Variants in RERE observed in about 807,000 individuals in gnomAD.
The protein encoded by RERE is arginine-glutamic acid dipeptide repeats protein.
A neutral mutation model predicts 146.1 loss-of-function variants in RERE; 40 were observed. The observed-to-expected ratio is 0.27, with a 90% confidence interval of 0.21 to 0.36. The LOEUF (loss-of-function observed/expected upper bound fraction) is 0.36. Ranked by LOEUF, RERE falls within the 10% of genes least tolerant of loss-of-function variation. The pLI, the probability that RERE is intolerant of heterozygous loss-of-function variation, is 1.00. For synonymous variants in RERE, 1,003 were observed against 866.0 expected (o/e 1.16, Z -2.78); for missense variants, 1,933 against 2,138.7 (o/e 0.90, Z 1.90).
At chr1:8,490,381 T>C (rs1486665408) in intron 10 of RERE, among the ~76,000 whole-genome samples, 2 of 148,124 alleles carry the variant, frequency 1.4e-5, no homozygotes, top group Non-Finnish European at 3.0e-5. Flanking sequence ...AAAAGAAACC[T>C]GTTTGACAGT....
chr1:8,518,319 G>A (rs142215156), intron 7 of RERE, among the ~76,000 whole-genome samples: 3 of 152,270 alleles, frequency 2.0e-5, no homozygotes, highest in Non-Finnish European at 4.4e-5. Flanking sequence ...CCATTCCCAA[G>A]GTGCTGGGAC....
chr1:8,792,527 A>G (rs1253076609), intron 1 of RERE: 2 of 152,252 alleles, frequency 1.3e-5, no homozygotes, highest in Non-Finnish European at 2.9e-5. Context: ...CTGTAAGTGG[A>G]TCCCACGGTG....
chr1:8,793,729 ACT>A (rs1641411477), intron 1 of RERE, among the ~76,000 whole-genome samples: 1 of 152,156 alleles, frequency 6.6e-6, no homozygotes, highest in Non-Finnish European at 1.5e-5. Context: ...ATTACAAGTT[ACT>A]CTTTGACTCT....
chr1:8,527,759 G>C (rs1645587412), intron 7 of RERE, among the ~76,000 whole-genome samples: 1 of 152,064 alleles, frequency 6.6e-6, no homozygotes, highest in African/African-American at 2.4e-5. Flanking sequence ...CACATGCCAT[G>C]CCACCAAGAC....
At chr1:8,813,511 A>G (rs1198389323) in intron 1 of RERE, among the ~76,000 whole-genome samples, 1 of 151,794 alleles carries the variant, frequency 6.6e-6, no homozygotes, top group African/African-American at 2.4e-5. Flanking sequence ...TTATATTCTT[A>G]TATGTGTGTT....
chr1:8,671,714 G>A (rs967758432), intron 1 of RERE, among the ~76,000 whole-genome samples: 3 of 152,140 alleles, frequency 2.0e-5, no homozygotes, highest in Admixed American at 1.3e-4. Flanking sequence ...AAGAAAACAT[G>A]TAGTGACTAA....
chr1:8,783,641 TA>T (rs1029070250), intron 1 of RERE, among the ~76,000 whole-genome samples: 8 of 152,168 alleles, frequency 5.3e-5, no homozygotes, highest in Non-Finnish European at 1.0e-4. Flanking sequence ...CTGTCTCTAC[TA>T]AACAGAAATT....
chr1:8,416,396 T>C (rs1005777768), intron 12 of RERE, among the ~76,000 whole-genome samples: 26 of 151,960 alleles, frequency 1.7e-4, no homozygotes, highest in South Asian at 4.1e-4. Flanking sequence ...CCATCCTGGT[T>C]AACATGGTGA....
intron 1 of RERE, among the ~76,000 whole-genome samples, chr1:8,729,217 ATT>A (rs1173630956): frequency 3.3e-4 from 33 of 100,444 alleles, no homozygotes; most frequent in African/African-American, 1.1e-3. Flanking sequence ...AGCTACACCG[ATT>A]TTTTTTTTTT....
chr1:8,555,536 T>C (rs908075757), intron 6 of RERE, among the ~76,000 whole-genome samples: 4 of 152,194 alleles, frequency 2.6e-5, no homozygotes, highest in African/African-American at 9.7e-5. Context: ...GAGAAATTAT[T>C]GTAACTCATT....
intron 1 of RERE, among the ~76,000 whole-genome samples, chr1:8,774,672 T>C (rs1230594869): frequency 6.6e-6 from 1 of 151,626 alleles, no homozygotes; most frequent in Non-Finnish European, 1.5e-5. Context: ...GGCAAACTAT[T>C]AAAACCTATA....
chr1:8,472,256 T>C (rs1377425053), intron 10 of RERE, among the ~76,000 whole-genome samples: 4 of 152,234 alleles, frequency 2.6e-5, no homozygotes, highest in Non-Finnish European at 1.5e-5. Flanking sequence ...ATTAGAAACA[T>C]TCCCCTCTAA....
At chr1:8,800,258 C>CAAAA (rs34669744) in intron 1 of RERE, among the ~76,000 whole-genome samples, 8 of 143,872 alleles carry the variant, frequency 5.6e-5, no homozygotes, top group Non-Finnish European at 7.5e-5. Context: ...GACTCTACGT[C>CAAAA]AAAAAAAAAA....
intron 4 of RERE, among the ~76,000 whole-genome samples, chr1:8,602,054 C>T (rs144021597): frequency 2.0e-5 from 3 of 152,196 alleles, no homozygotes; most frequent in South Asian, 2.1e-4. Context: ...AATAAAAATT[C>T]GAAAGGCCAA....
chr1:8,555,915 T>C (rs1028713629), intron 6 of RERE, among the ~76,000 whole-genome samples: 1 of 152,196 alleles, frequency 6.6e-6, no homozygotes, highest in African/African-American at 2.4e-5. Flanking sequence ...AGCTGTATAG[T>C]AGGAAATTTT....
intron 10 of RERE, among the ~76,000 whole-genome samples, chr1:8,473,928 A>G (rs1439917464): frequency 1.3e-5 from 2 of 152,228 alleles, no homozygotes. Context: ...GGTTCAATAG[A>G]GCCAACAATG....
intron 4 of RERE, among the ~76,000 whole-genome samples, chr1:8,577,198 T>G (rs1031031019): frequency 1.3e-5 from 2 of 151,938 alleles, no homozygotes; most frequent in African/African-American, 4.8e-5. Context: ...AAATTTCATA[T>G]GACTTTTGAA....
chr1:8,385,792 C>G (rs1642617123), intron 12 of RERE, among the ~76,000 whole-genome samples: 1 of 148,806 alleles, frequency 6.7e-6, no homozygotes, highest in Admixed American at 6.7e-5. Flanking sequence ...GAAACCCCAT[C>G]TCTACTAAAA....
intron 12 of RERE, among the ~76,000 whole-genome samples, chr1:8,397,382 GCCC>G (rs1643092387): frequency 6.6e-6 from 1 of 152,020 alleles, no homozygotes. Context: ...TTCTATTTGT[GCCC>G]CCATTTCATT....
Sources: allele counts gnomAD v4.1 joint callset (sites outside exome capture counted in the v4.1 genomes callset), GRCh38; gene constraint gnomAD v4.1.1; transcripts MANE v1.5; gene names NCBI Gene and HGNC (gene_info 2026-07-23, HGNC 2026-07-21).